ATP2C2: variants seen among roughly 807,000 people sequenced by gnomAD.
ATP2C2 encodes the protein ATPase secretory pathway Ca2+ transporting 2.
ATP2C2 carries 171 observed loss-of-function variants against 110.8 expected under a neutral mutation model. That is an observed-to-expected ratio of 1.54 (90% CI 1.36 to 1.75). The LOEUF (loss-of-function observed/expected upper bound fraction) is 1.75. Ranked by LOEUF, ATP2C2 falls within the 40% of genes most tolerant of loss-of-function variation. ATP2C2 has a pLI of 0.00. For missense variants in ATP2C2, 1,963 were observed against 1,235.0 expected (o/e 1.59, Z -8.84); for synonymous variants, 804 against 508.4 (o/e 1.58, Z -7.82).
At chr16:84,403,929 G>C (rs1246683535) in intron 2 of ATP2C2, among the ~76,000 whole-genome samples, 1 of 152,190 alleles carries the variant, frequency 6.6e-6, no homozygotes, top group Non-Finnish European at 1.5e-5. Flanking sequence ...GACCTCAGGT[G>C]ATCTGCCTGC....
intron 1 of ATP2C2, among the ~76,000 whole-genome samples, chr16:84,385,189 A>T (rs757436210): frequency 6.6e-6 from 1 of 152,198 alleles, no homozygotes; most frequent in African/African-American, 2.4e-5. Flanking sequence ...GTTTCCAATC[A>T]TGGTGGAAGG....
In ATP2C2 at chr16:84,425,432, C is replaced by T. The variant is rs185077563; in HGVS notation, c.920-303C>T. Among the ~76,000 whole-genome samples the T allele has an allele frequency of 2.5e-3, 377 of 152,294 alleles. 1 individual carries two copies. The highest frequency in any genetic ancestry group is 8.5e-3 in the African/African-American group (354 of 41,552). On this transcript the variant is annotated intron_variant, in intron 10 of 26. Transcript: ENST00000262429. ...CACATGGGGGGATGTTCTGGATACACGCAGCCGACGGTAAACTTTGGGAAT... is the reference window on the plus strand; with the variant it reads ...CACATGGGGGGATGTTCTGGATACATGCAGCCGACGGTAAACTTTGGGAAT...
intron 20 of ATP2C2, 91 bp downstream of exon 20, chr16:84,453,462 G>T: frequency 6.5e-7 from 1 of 1,528,786 alleles, no homozygotes; most frequent in Non-Finnish European, 9.1e-7. Context: ...TCGGGTGACA[G>T]TGCAGGGCCC....
intron 2 of ATP2C2, among the ~76,000 whole-genome samples, chr16:84,400,846 G>C (rs1173290896): frequency 6.6e-6 from 1 of 152,158 alleles, no homozygotes; most frequent in African/African-American, 2.4e-5. Flanking sequence ...TCATGTACCT[G>C]TTTGCCATTC....
chr16:84,408,853 A>G (rs77572391), intron 4 of ATP2C2, among the ~76,000 whole-genome samples: 19,060 of 149,514 alleles, frequency 0.13, 1,446 homozygotes, highest in East Asian at 0.29. Context: ...ACCACTGAGC[A>G]CTCATTTTTT....
Position 84,405,112 on chromosome 16 carries a change from T to C in ATP2C2, c.211-16T>C. The C allele has an allele frequency of 6.2e-6, 10 of 1,610,018 alleles. No homozygotes were observed. The highest frequency in any genetic ancestry group is 8.5e-6 in the Non-Finnish European group (10 of 1,176,612). ...CTGCGCCCATGAGTGAGCTTGTGCC[T>C]GACCTCTCCTTCCAGGTGGACTTAC... is the stretch of plus-strand genomic sequence containing the variant. On this transcript the variant is annotated splice_polypyrimidine_tract_variant and intron_variant, in intron 2 of 26. Transcript: ENST00000262429.
At chr16:84,452,939 C>G (rs1325900368) in intron 18 of ATP2C2, among the ~76,000 whole-genome samples, 199 bp from the exon 19 acceptor site, 2 of 152,196 alleles carry the variant, frequency 1.3e-5, no homozygotes, top group African/African-American at 2.4e-5. Context: ...GTTTCCCCAT[C>G]TTTAAAGTGG....
At chr16:84,440,565 G>T (rs1049154218) in intron 13 of ATP2C2, among the ~76,000 whole-genome samples, 3 of 152,220 alleles carry the variant, frequency 2.0e-5, no homozygotes, top group African/African-American at 4.8e-5. Context: ...GCTGTTCTTG[G>T]AATAGAAGCA....
intron 2 of ATP2C2, chr16:84,404,545 C>G (rs1905580421): frequency 5.3e-6 from 1 of 187,726 alleles, no homozygotes; most frequent in South Asian, 1.0e-4. Flanking sequence ...CGTTCTCAGG[C>G]TAAATAGTAT....
chr16:84,414,495 G>T (rs928983633), intron 6 of ATP2C2, among the ~76,000 whole-genome samples: 2 of 152,132 alleles, frequency 1.3e-5, no homozygotes, highest in African/African-American at 2.4e-5. Flanking sequence ...CGCGTGTACA[G>T]TAAGGAAATC....
intron 1 of ATP2C2, among the ~76,000 whole-genome samples, chr16:84,378,827 C>T (rs1431758699): frequency 1.3e-5 from 2 of 152,224 alleles, no homozygotes; most frequent in African/African-American, 2.4e-5. Context: ...ACACACGAAG[C>T]CATGAACGTG....
intron 2 of ATP2C2, among the ~76,000 whole-genome samples, chr16:84,399,688 C>A (rs895941776): frequency 5.3e-5 from 8 of 152,134 alleles, no homozygotes; most frequent in African/African-American, 1.7e-4. Context: ...TACTTTGATA[C>A]AGGCATACGC....
In ATP2C2 at chr16:84,462,072, G is replaced by A. The variant is rs1291355436; in HGVS notation, c.2665G>A (p.Val889Ile). The A allele has an allele frequency of 1.2e-6, 2 of 1,613,952 alleles. No individual in the cohort carries two copies. The highest frequency in any genetic ancestry group is 4.5e-5 in the East Asian group (2 of 44,888). Residue 889 changes from valine to isoleucine, a missense_variant, in exon 26 of 27, where the codon GTC becomes ATC. Coordinates refer to ENST00000262429, the MANE Select transcript of ATP2C2 (RefSeq NM_014861.4). ...GGGGTCCATCCTGGGGCAGCTGGCG[G>A]TCATTTACATCCCCCCGCTGCAGAG... ...VLGSILGQLA[V>I]IYIPPLQRVF...
chr16:84,447,597 T>C (rs1909864157), intron 16 of ATP2C2, among the ~76,000 whole-genome samples: 1 of 149,144 alleles, frequency 6.7e-6, no homozygotes. Context: ...ATATTATGTC[T>C]TAGATGTCTG....
At chr16:84,387,173 A>T (rs1210410893) in intron 1 of ATP2C2, among the ~76,000 whole-genome samples, 1 of 152,070 alleles carries the variant, frequency 6.6e-6, no homozygotes, top group Non-Finnish European at 1.5e-5. Flanking sequence ...ACATTTGGGC[A>T]CTCGTATCTC....
chr16:84,431,475 A>G (rs8045937), intron 11 of ATP2C2, among the ~76,000 whole-genome samples: 58,174 of 151,794 alleles, frequency 0.38, 11,354 homozygotes, highest in Non-Finnish European at 0.41. Flanking sequence ...CAACCTGGGC[A>G]ACAGAGCAAA....
At chr16:84,446,152 T>A (rs1373913770) in intron 15 of ATP2C2, among the ~76,000 whole-genome samples, 177 bp from the exon 16 acceptor site, 3 of 152,124 alleles carry the variant, frequency 2.0e-5, no homozygotes, top group African/African-American at 7.2e-5. Context: ...AAGAGACTTT[T>A]TTTTTTTTTT....
chr16:84,403,451 G>A (rs1009837482), intron 2 of ATP2C2, among the ~76,000 whole-genome samples: 2 of 151,274 alleles, frequency 1.3e-5, no homozygotes, highest in African/African-American at 4.9e-5. Context: ...GACTACAGGA[G>A]TCTGCCACCA....
intron 17 of ATP2C2, among the ~76,000 whole-genome samples, chr16:84,451,059 G>C (rs958735736): frequency 2.0e-5 from 3 of 152,136 alleles, no homozygotes; most frequent in African/African-American, 7.2e-5. Flanking sequence ...CTGAGACTAG[G>C]TAATTTACAA....
Sources: gnomAD v4.1 joint callset for allele counts (sites outside exome capture counted in the v4.1 genomes callset) on GRCh38, gnomAD v4.1.1 for gene constraint, MANE v1.5 for transcripts, NCBI Gene and HGNC (gene_info 2026-07-23, HGNC 2026-07-21) for gene names.